CDH13: variants seen among roughly 807,000 people sequenced by gnomAD.
CDH13 encodes cadherin-13.
Under a neutral mutation model 63.8 loss-of-function variants are expected in CDH13, and 24 were observed. That is an observed-to-expected ratio of 0.38 (90% confidence interval 0.27 to 0.53). The LOEUF is 0.53. Among genes scored for constraint, CDH13 ranks in the 20% least tolerant of loss-of-function variants. The pLI, the probability that CDH13 is intolerant of heterozygous loss-of-function variation, is 0.85. For missense variants in CDH13, 1,049 were observed against 903.1 expected, an observed-to-expected ratio of 1.16 and a Z score of -2.07; for synonymous variants, 503 against 355.3, an observed-to-expected ratio of 1.42 and a Z score of -4.67.
intron 1 of CDH13, among the ~76,000 whole-genome samples, chr16:82,717,007 T>C (rs1055790536): frequency 4.2e-4 from 64 of 152,050 alleles, no homozygotes; most frequent in African/African-American, 1.5e-3. Flanking sequence ...GGAGTGCCTT[T>C]TGGGGAATGA....
chr16:83,526,566 G>A (rs1010929811), intron 7 of CDH13, among the ~76,000 whole-genome samples: 2 of 152,196 alleles, frequency 1.3e-5, no homozygotes. Flanking sequence ...AGATGGTAAT[G>A]CTCGCTTGCT....
At chr16:82,795,680 C>G (rs1201566000) in intron 1 of CDH13, among the ~76,000 whole-genome samples, 1 of 152,176 alleles carries the variant, frequency 6.6e-6, no homozygotes, top group East Asian at 1.9e-4. Flanking sequence ...ATCTGTAGAC[C>G]CTCCACTCTT....
chr16:83,136,174 T>TAA (rs11284544), intron 4 of CDH13, among the ~76,000 whole-genome samples: 7 of 139,670 alleles, frequency 5.0e-5, no homozygotes, highest in Non-Finnish European at 9.4e-5. Flanking sequence ...CTATAGAAAT[T>TAA]AAAAAAAAAA....
At chr16:83,765,320 C>G (rs1229494762) in intron 11 of CDH13, among the ~76,000 whole-genome samples, 1 of 128,140 alleles carries the variant, frequency 7.8e-6, no homozygotes, top group Non-Finnish European at 1.6e-5. Context: ...TTTCTTTTAT[C>G]TAAAGTCAGT....
intron 5 of CDH13, among the ~76,000 whole-genome samples, chr16:83,260,536 G>T (rs771542284): frequency 7.2e-5 from 11 of 152,184 alleles, no homozygotes; most frequent in Non-Finnish European, 1.5e-4. Flanking sequence ...GAGTGCTGGA[G>T]CAACTCTGTG....
At chr16:83,487,193 A>G (rs1251731269) in intron 7 of CDH13, among the ~76,000 whole-genome samples, 2 of 152,162 alleles carry the variant, frequency 1.3e-5, no homozygotes, top group Non-Finnish European at 2.9e-5. Flanking sequence ...CCTGGGTCAC[A>G]TGTCACAAAC....
chr16:83,426,074 G>C (rs1597991460), intron 6 of CDH13, among the ~76,000 whole-genome samples: 2 of 152,266 alleles, frequency 1.3e-5, no homozygotes, highest in East Asian at 1.9e-4. Flanking sequence ...ATGTTTCAAA[G>C]CTAGGAGGAG....
intron 4 of CDH13, among the ~76,000 whole-genome samples, chr16:83,179,653 G>GA (rs11307471): frequency 4.1e-5 from 6 of 147,214 alleles, no homozygotes; most frequent in Non-Finnish European, 4.5e-5. Context: ...CTCTCTCTCA[G>GA]AAAAAAAAAA....
In CDH13 at chr16:83,216,425, T is replaced by TATATATATATATATATAA. The variant is rs2039522943; in HGVS notation, c.484-903_484-902insAATATATATATATATATA. 7.9e-5 allele frequency among the ~76,000 whole-genome samples: 8 copies of TATATATATATATATATAA among 101,086 alleles called. 2 individuals are homozygous for TATATATATATATATATAA. Among genetic ancestry groups the TATATATATATATATATAA allele is most frequent in the Non-Finnish European group, 1.4e-4 (7 of 50,382 alleles). The allele number at this position is 101,086 out of a possible 152,430, so 66.3% of individuals were successfully genotyped here. ...ATATATATATATATATATATATATA[T>TATATATATATATATATAA]ATATATATATATATATATACACAAC... On this transcript the variant is annotated intron_variant, in intron 4 of 13. Transcript: ENST00000567109.
intron 6 of CDH13, among the ~76,000 whole-genome samples, chr16:83,356,431 C>T (rs1436494500): frequency 1.3e-5 from 2 of 152,052 alleles, no homozygotes; most frequent in Non-Finnish European, 2.9e-5. Context: ...CTCGAAGATT[C>T]ATAAAGCATG....
chr16:83,700,531 T>C (rs1906060030), intron 10 of CDH13, among the ~76,000 whole-genome samples: 1 of 152,236 alleles, frequency 6.6e-6, no homozygotes, highest in Admixed American at 6.5e-5. Flanking sequence ...AACATGGCCT[T>C]CCTCTTGGGG....
intron 7 of CDH13, among the ~76,000 whole-genome samples, chr16:83,570,831 AATT>A: frequency 2.2e-5 from 2 of 91,620 alleles, no homozygotes. Flanking sequence ...TATAAATAAA[AATT>A]TATATTTTTA....
chr16:83,095,892 ATT>A (rs1490604412), intron 3 of CDH13, among the ~76,000 whole-genome samples: 7 of 152,216 alleles, frequency 4.6e-5, no homozygotes, highest in Non-Finnish European at 8.8e-5. Context: ...ATAAAACAAT[ATT>A]CGTAAGTACA....
intron 10 of CDH13, among the ~76,000 whole-genome samples, chr16:83,743,575 A>G (rs1912256870): frequency 6.6e-6 from 1 of 152,158 alleles, no homozygotes; most frequent in African/African-American, 2.4e-5. Context: ...CAAACATGAA[A>G]GCCAAATTTA....
chr16:82,740,791 G>A (rs541479706), intron 1 of CDH13, among the ~76,000 whole-genome samples: 5 of 152,326 alleles, frequency 3.3e-5, no homozygotes, highest in African/African-American at 1.2e-4. Flanking sequence ...GGCAAAGCAA[G>A]TCCAATATCA....
At chr16:83,729,949 C>G (rs907162199) in intron 10 of CDH13, among the ~76,000 whole-genome samples, 3 of 152,198 alleles carry the variant, frequency 2.0e-5, no homozygotes, top group African/African-American at 7.2e-5. Flanking sequence ...TGGCCATTGC[C>G]AAGTCATTAC....
chr16:82,918,508 T>A (rs1293984853), intron 2 of CDH13, among the ~76,000 whole-genome samples: 1 of 63,318 alleles, frequency 1.6e-5, no homozygotes, highest in African/African-American at 5.4e-5. Context: ...CACTTTCACT[T>A]TTTTTTTTTT....
At position 83,713,022 on chromosome 16, in the gene CDH13, G is replaced by T. The variant is rs185678979; in HGVS notation, c.1538+34561G>T. Reference sequence around the variant, plus strand: ...GCTTTCAAATACTAGTATAATTCTGGCCAAATATCCCTGTTTAAAATGATC... The same window carrying T: ...GCTTTCAAATACTAGTATAATTCTGTCCAAATATCCCTGTTTAAAATGATC... On this transcript the variant is annotated intron_variant, in intron 10 of 13. Coordinates refer to ENST00000567109, the MANE Select transcript of CDH13 (RefSeq NM_001257.5). Among the ~76,000 whole-genome samples the T allele has an allele frequency of 1.1e-4, 16 of 152,258 alleles. 1 individual carries two copies. In the East Asian group the frequency reaches 3.1e-3, roughly 29 times the overall value.
At chr16:83,157,949 G>C (rs866573868) in intron 4 of CDH13, among the ~76,000 whole-genome samples, 19 of 151,714 alleles carry the variant, frequency 1.3e-4, no homozygotes, top group African/African-American at 4.1e-4. Flanking sequence ...AGAAAGAAAT[G>C]TGTCCTCAAA....
Sources: gnomAD v4.1 joint callset for allele counts (sites outside exome capture counted in the v4.1 genomes callset) on GRCh38, gnomAD v4.1.1 for gene constraint, MANE v1.5 for transcripts, NCBI Gene and HGNC (gene_info 2026-07-23, HGNC 2026-07-21) for gene names.